WNT3A: variants seen among roughly 807,000 people sequenced by gnomAD.
WNT3A encodes the protein protein Wnt-3a.
Under a neutral mutation model 37.0 loss-of-function variants are expected in WNT3A, and 17 were observed. The observed-to-expected ratio is 0.46, with a 90% CI of 0.31 to 0.69. WNT3A has a LOEUF of 0.69. Among genes scored for constraint, WNT3A ranks in the 30% least tolerant of loss-of-function variants. WNT3A has a pLI of 0.05. For synonymous variants in WNT3A, 187 were observed against 211.0 expected (o/e 0.89, Z 0.99); for missense variants, 411 against 510.2 (o/e 0.81, Z 1.87).
At chr1:228,011,555 T>G (rs550747809) in intron 1 of WNT3A, among the ~76,000 whole-genome samples, 14 of 152,324 alleles carry the variant, frequency 9.2e-5, no homozygotes, top group South Asian at 8.3e-4. Context: ...TATCTGTCTC[T>G]GCCCGTCTCT....
intron 1 of WNT3A, among the ~76,000 whole-genome samples, chr1:228,018,110 G>T (rs367830188): frequency 6.6e-6 from 1 of 152,160 alleles, no homozygotes; most frequent in African/African-American, 2.4e-5. Context: ...GAGAACTTGC[G>T]CTGAGAACAG....
rs536595261 is a variant in WNT3A, at chr1:228,056,240, T to C, written c.580-2746T>C. ...AATACGAGCAGACAGCCAAGGATCA[T>C]CAGACCTCTGAGGAAGGACTCTAAC... On this transcript the variant is annotated intron_variant, in intron 3 of 3. Transcript: ENST00000284523. 1.1e-3 allele frequency among the ~76,000 whole-genome samples: 175 copies of C among 152,292 alleles called. 1 individual carries two copies. Among genetic ancestry groups the C allele is most frequent in the African/African-American group, 3.9e-3 (164 of 41,556 alleles).
intron 2 of WNT3A, among the ~76,000 whole-genome samples, chr1:228,046,392 G>A (rs2031406993): frequency 6.6e-6 from 1 of 152,030 alleles, no homozygotes; most frequent in Non-Finnish European, 1.5e-5. Flanking sequence ...TCCGTGGGAG[G>A]TGTGCATGTG....
rs955005754 is a variant in WNT3A at position 228,050,554 on chromosome 1, G to C, written c.314-102G>C. On this transcript the variant is annotated intron_variant, in intron 2 of 3. Coordinates refer to ENST00000284523, the MANE Select transcript of WNT3A (RefSeq NM_033131.4). This position sits in a 1 kb window ranked among gnomAD's most constrained non-coding sequence, Gnocchi z 5.0. ...TGCCTTATACACCACCCAACCTCAC[G>C]AGTTCCTTTATAACAATGCAAATGG... The C allele has an allele frequency of 1.4e-6, 2 of 1,417,116 alleles. No individual in the cohort carries two copies. Among genetic ancestry groups the C allele is most frequent in the African/African-American group, 2.9e-5 (2 of 69,588 alleles). The allele number at this position is 1,417,116 out of a possible 1,614,324, so 87.8% of individuals were successfully genotyped here.
Position 228,050,574 on chromosome 1 carries a change from A to C in WNT3A, c.314-82A>C, listed in dbSNP as rs1319511765. 6.1e-6 allele frequency: 9 copies of C among 1,485,082 alleles called. No homozygotes were observed. Among genetic ancestry groups the C allele is most frequent in the Non-Finnish European group, 8.1e-6 (9 of 1,117,926 alleles). 92.0% of individuals were successfully genotyped at this position (1,485,082 alleles called of 1,614,324 possible). Reference sequence around the variant, plus strand: ...CTCACGAGTTCCTTTATAACAATGCAAATGGGCTAAGACCCCTGACCTGCC... The same window carrying C: ...CTCACGAGTTCCTTTATAACAATGCCAATGGGCTAAGACCCCTGACCTGCC... On this transcript the variant is annotated intron_variant, in intron 2 of 3. Transcript: ENST00000284523. The surrounding 1 kb of genome is among the most constrained non-coding windows in gnomAD (Gnocchi z 5.0).
intron 2 of WNT3A, among the ~76,000 whole-genome samples, chr1:228,045,019 A>G (rs1280148070): frequency 1.3e-5 from 2 of 152,234 alleles, no homozygotes; most frequent in East Asian, 1.9e-4. Flanking sequence ...GAGAAAATCA[A>G]GGTTCAGCCA....
Position 228,060,120 on chromosome 1 carries a change from G to A in WNT3A, c.*655G>A, listed in dbSNP as rs1350079118. On this transcript the variant is annotated 3_prime_UTR_variant, in exon 4 of 4. Coordinates refer to ENST00000284523, the MANE Select transcript of WNT3A (RefSeq NM_033131.4). ...GTGGGTGGGGCTTCTCTGGGACCAG[G>A]CTCCAATGGGGCGGGGCTTCTCTCC... 1.5e-6 allele frequency: 2 copies of A among 1,317,174 alleles called. No individual in the cohort carries two copies. Among genetic ancestry groups the A allele is most frequent in the Non-Finnish European group, 2.0e-6 (2 of 1,003,698 alleles). 81.6% of individuals were successfully genotyped at this position (1,317,174 alleles called of 1,614,324 possible).
intron 1 of WNT3A, among the ~76,000 whole-genome samples, chr1:228,011,476 CCT>C: frequency 6.6e-6 from 1 of 152,240 alleles, no homozygotes; most frequent in South Asian, 2.1e-4. Context: ...CTCTTCCCTG[CCT>C]CTGTCCCTCC....
chr1:228,018,407 A>ATTT (rs5781502), intron 1 of WNT3A, among the ~76,000 whole-genome samples: 17 of 147,666 alleles, frequency 1.2e-4, no homozygotes, highest in African/African-American at 3.5e-4. Context: ...TGCAATTTAG[A>ATTT]TTTTTTTTTT....
At chr1:228,046,820 C>T (rs1413755589) in intron 2 of WNT3A, among the ~76,000 whole-genome samples, 2 of 137,488 alleles carry the variant, frequency 1.5e-5, no homozygotes, top group Non-Finnish European at 3.1e-5. Flanking sequence ...GTGTGCATGC[C>T]TATATGTGTG....
rs761771501 is a variant in WNT3A, at chr1:228,050,856, G to A, written c.514G>A (p.Ala172Thr). 4.4e-6 allele frequency: 7 copies of A among 1,594,760 alleles called. No homozygotes were observed. Among genetic ancestry groups the A allele is most frequent in the Non-Finnish European group, 6.0e-6 (7 of 1,168,522 alleles). Residue 172 changes from alanine (A) to threonine (T), a missense_variant, in exon 3 of 4, where the codon GCC (alanine) becomes ACC (threonine). Ala to Thr is a moderately conservative substitution (Grantham distance 58, BLOSUM62 0). Coordinates refer to ENST00000284523, the MANE Select transcript of WNT3A (RefSeq NM_033131.4). This position sits in a 1 kb window ranked among gnomAD's most constrained non-coding sequence, Gnocchi z 5.0. ...GGMVSREFAD[A>T]RENRPDARSA... ...GATGGTGTCTCGGGAGTTCGCCGAC[G>A]CCCGGGAGAACCGGCCAGATGCCCG...
chr1:228,044,343 G>A (rs948062652), intron 2 of WNT3A, among the ~76,000 whole-genome samples: 3 of 152,134 alleles, frequency 2.0e-5, no homozygotes, highest in African/African-American at 7.2e-5. Context: ...ACCACACTCT[G>A]GACGTCACTC....
chr1:228,019,029 T>A (rs377598300), intron 1 of WNT3A, among the ~76,000 whole-genome samples: 2 of 152,220 alleles, frequency 1.3e-5, no homozygotes, highest in East Asian at 3.9e-4. Context: ...AGGCCAGGGA[T>A]GCTGGAGCCA....
intron 2 of WNT3A, among the ~76,000 whole-genome samples, chr1:228,029,743 C>T (rs187746214): frequency 0.014 from 2,106 of 146,766 alleles, 27 homozygotes; most frequent in African/African-American, 0.027. Context: ...TGTGCCCACC[C>T]CCCCCCCAAT....
rs547442522 is a variant in WNT3A at position 228,016,037 on chromosome 1, C to T, written c.72-6630C>T. Among the ~76,000 whole-genome samples, 6 of 152,234 alleles carry T rather than the reference C, an allele frequency of 3.9e-5. No individual in the cohort carries two copies. In the South Asian group the frequency reaches 8.3e-4, roughly 21 times the overall value. On this transcript the variant is annotated intron_variant, in intron 1 of 3. Transcript: ENST00000284523. ...CTGTGCCCGTCACCTTCTGGGCACC[C>T]GATGTTGCCCCTTTCTGTCCCCCGC...
Position 228,038,300 on chromosome 1 carries a change from C to G in WNT3A, c.314-12356C>G, listed in dbSNP as rs933930660. ...GGCTCCGGCGGGCTCCGGCGGGGAC[C>G]GGGGCGCGGGCTGAGTCCCCCTGTG... On this transcript the variant is annotated intron_variant, in intron 2 of 3. Transcript: ENST00000284523. The surrounding 1 kb of genome is among the most constrained non-coding windows in gnomAD (Gnocchi z 5.7). Among the ~76,000 whole-genome samples, 11 of 152,096 alleles carry G rather than the reference C, an allele frequency of 7.2e-5. No individual in the cohort carries two copies. In the East Asian group the frequency reaches 1.9e-3, roughly 27 times the overall value.
intron 2 of WNT3A, 82 bp downstream of exon 2, chr1:228,022,990 T>A: frequency 6.5e-7 from 1 of 1,531,710 alleles, no homozygotes; most frequent in Non-Finnish European, 8.8e-7. Flanking sequence ...CATTCTCATC[T>A]GTGCACACGG....
At position 228,050,987 on chromosome 1, in the gene WNT3A, T is replaced by G; in HGVS notation, c.579+66T>G. On this transcript the variant is annotated intron_variant, in intron 3 of 3. Coordinates refer to ENST00000284523, the MANE Select transcript of WNT3A (RefSeq NM_033131.4). The surrounding 1 kb of genome is among the most constrained non-coding windows in gnomAD (Gnocchi z 5.0). ...CTCCTCAGCAGGGTGTGTGCCCTGG[T>G]TCCTTGGGGCATATGGCCCGGTGAG... 2 of 1,457,896 alleles carry G rather than the reference T, an allele frequency of 1.4e-6. No individual in the cohort carries two copies. Among genetic ancestry groups the G allele is most frequent in the Non-Finnish European group, 1.8e-6 (2 of 1,108,094 alleles). The allele number at this position is 1,457,896 out of a possible 1,614,324, so 90.3% of individuals were successfully genotyped here. A position where few individuals can be genotyped will look rare whatever the true frequency, so the allele number is the denominator to read the frequency against.
Position 228,060,073 on chromosome 1 carries a change from T to C in WNT3A, c.*608T>C. On this transcript the variant is annotated 3_prime_UTR_variant, in exon 4 of 4. Coordinates refer to ENST00000284523, the MANE Select transcript of WNT3A (RefSeq NM_033131.4). ...CGGGGGCTGTGGCTCTGGGTGGGCG[T>C]GGCCTGCATAGGCTCCTTCCTGTGG... is the stretch of plus-strand genomic sequence containing the variant. The C allele has an allele frequency of 8.3e-7, 1 of 1,210,706 alleles. No individual in the cohort carries two copies. Among genetic ancestry groups the C allele is most frequent in the African/African-American group, 1.6e-5 (1 of 62,878 alleles). 75.0% of individuals were successfully genotyped at this position (1,210,706 alleles called of 1,614,324 possible).
Sources: gnomAD v4.1 joint callset for allele counts (sites outside exome capture counted in the v4.1 genomes callset) on GRCh38, gnomAD v4.1.1 for gene constraint, Gnocchi (gnomAD v3.1) non-coding constraint, MANE v1.5 for transcripts, NCBI Gene and HGNC (gene_info 2026-07-23, HGNC 2026-07-21) for gene names.